The following MAP4 variants were observed in gnomAD, a reference collection of about 807,000 sequenced individuals.
The protein encoded by MAP4 is microtubule associated protein 4.
MAP4 carries 76 observed loss-of-function variants against 170.2 expected under a neutral mutation model. The observed-to-expected ratio is 0.45, with a 90% confidence interval of 0.37 to 0.54. MAP4 has a LOEUF of 0.54. Among genes scored for constraint, MAP4 ranks in the 20% least tolerant of loss-of-function variants. The pLI is 0.00. For missense variants in MAP4, 2,506 were observed against 2,748.0 expected, an observed-to-expected ratio of 0.91 and a Z score of 1.97; for synonymous variants, 909 against 994.5, an observed-to-expected ratio of 0.91 and a Z score of 1.62.
chr3:47,928,203 T>C (rs1437738418), intron 4 of MAP4, 25 bp downstream of exon 4: 25 of 1,612,472 alleles, frequency 1.6e-5, no homozygotes, highest in Non-Finnish European at 2.0e-5. Context: ...ACACATTTAG[T>C]AGTCACGAGC....
chr3:48,050,673 C>T (rs1329243529), intron 1 of MAP4, among the ~76,000 whole-genome samples: 1 of 151,442 alleles, frequency 6.6e-6, no homozygotes, highest in African/African-American at 2.4e-5. Flanking sequence ...CTTTGGGAGG[C>T]TGAGGCAGGC....
intron 18 of MAP4, among the ~76,000 whole-genome samples, chr3:47,856,865 G>A (rs1455121138): frequency 1.3e-5 from 2 of 152,218 alleles, no homozygotes; most frequent in African/African-American, 2.4e-5. Context: ...ACTAGGACAC[G>A]AGGCTGCTAG....
rs537835986 is a variant in MAP4 at position 48,055,333 on chromosome 3, G to A, written c.-20+33440C>T. ...CTCCCTGCCTGATTCTCCTGCCTCA[G>A]TCTGCCGAATGCCTGCGATTGCAGG... On this transcript the variant is annotated intron_variant, in intron 1 of 18. Transcript: ENST00000360240. Among the ~76,000 whole-genome samples the A allele has an allele frequency of 2.6e-3, 397 of 152,300 alleles. 2 individuals are homozygous for A. The highest frequency in any genetic ancestry group is 4.4e-3 in the Admixed American group (68 of 15,312).
chr3:47,880,405 G>T (rs1447350324), intron 10 of MAP4, among the ~76,000 whole-genome samples: 2 of 150,628 alleles, frequency 1.3e-5, no homozygotes, highest in Non-Finnish European at 2.9e-5. Flanking sequence ...ACCACACCTG[G>T]CTGACAATTA....
At chr3:48,079,032 A>C (rs1033196159) in intron 1 of MAP4, among the ~76,000 whole-genome samples, 1 of 152,022 alleles carries the variant, frequency 6.6e-6, no homozygotes, top group African/African-American at 2.4e-5. Flanking sequence ...TTGGCTGGGC[A>C]TGGTGGCACG....
At chr3:47,879,370 GAAC>G (rs370064129) in intron 10 of MAP4, among the ~76,000 whole-genome samples, 9 of 152,236 alleles carry the variant, frequency 5.9e-5, no homozygotes, top group Admixed American at 2.0e-4. Flanking sequence ...TAATTAAACA[GAAC>G]AACGTTTTTG....
At chr3:48,068,740 C>T (rs55896981) in intron 1 of MAP4, among the ~76,000 whole-genome samples, 177 of 152,166 alleles carry the variant, frequency 1.2e-3, no homozygotes, top group Middle Eastern at 6.8e-3. Context: ...GCCAAGATCG[C>T]ACCACTGCAC....
At chr3:47,965,550 G>A (rs186606736) in intron 3 of MAP4, among the ~76,000 whole-genome samples, 11 of 152,136 alleles carry the variant, frequency 7.2e-5, no homozygotes, top group East Asian at 5.8e-4. Flanking sequence ...CCACATCCTC[G>A]TAAACACTTG....
At chr3:47,879,227 G>A (rs550430414) in intron 10 of MAP4, among the ~76,000 whole-genome samples, 70 of 150,988 alleles carry the variant, frequency 4.6e-4, no homozygotes, top group African/African-American at 1.7e-3. Flanking sequence ...CTATGCAATG[G>A]TCTCTATTAA....
intron 1 of MAP4, among the ~76,000 whole-genome samples, chr3:48,053,501 A>C (rs2100128981): frequency 6.6e-6 from 1 of 152,206 alleles, no homozygotes. Context: ...TTTAATCAAA[A>C]TAGCATTCGT....
intron 1 of MAP4, among the ~76,000 whole-genome samples, chr3:48,086,615 G>A (rs1376161579): frequency 2.0e-5 from 3 of 152,256 alleles, no homozygotes; most frequent in South Asian, 2.1e-4. Context: ...CAGCCTGGGC[G>A]ACAGAGCAAG....
rs1477446646 is a variant in MAP4, at chr3:47,914,871, C to T, written c.1945G>A (p.Gly649Arg). ...TGACTGTTGCATGGTTTCCTTTCCC[C>T]TAGTTTTTCTAACACAGAATCCTCC... ...AEEDSVLEKL[G>R]ERKPCNSQPS... Residue 649 changes from glycine to arginine, a missense_variant, in exon 8 of 21, where the codon GGG becomes AGG. By Grantham distance (125) the Gly-to-Arg change is moderately radical. Around this residue, in one of 3 missense-constraint regions of MAP4, gnomAD observed 2,008 missense variants for 2,206.0 expected, o/e 0.91. Transcript: ENST00000683076. 1.2e-5 allele frequency: 19 copies of T among 1,613,984 alleles called. No individual in the cohort carries two copies. The highest frequency in any genetic ancestry group is 1.6e-5 in the Non-Finnish European group (19 of 1,180,014).
At chr3:47,991,668 T>TC (rs1377994803) in intron 2 of MAP4, among the ~76,000 whole-genome samples, 9 of 151,856 alleles carry the variant, frequency 5.9e-5, no homozygotes, top group Non-Finnish European at 1.3e-4. Context: ...ATCTGTCTTT[T>TC]CTTTTTTTTT....
At chr3:47,939,101 C>A (rs1171721196) in intron 3 of MAP4, among the ~76,000 whole-genome samples, 2 of 152,256 alleles carry the variant, frequency 1.3e-5, no homozygotes, top group East Asian at 3.9e-4. Flanking sequence ...ATCACTGATC[C>A]CCTGCTTGAA....
chr3:47,957,910 A>G (rs142721699), intron 3 of MAP4, among the ~76,000 whole-genome samples: 5 of 152,330 alleles, frequency 3.3e-5, no homozygotes, highest in East Asian at 3.9e-4. Context: ...ACTCACTATT[A>G]TATCTAGCAA....
At chr3:47,861,957 C>A (rs370895749) in intron 17 of MAP4, among the ~76,000 whole-genome samples, 36 of 151,810 alleles carry the variant, frequency 2.4e-4, no homozygotes, top group East Asian at 1.8e-3. Context: ...GTCAGGAGAT[C>A]GAGACCATCC....
At position 47,910,026 on chromosome 3, in the gene MAP4, C is replaced by T. The variant is rs926324291; in HGVS notation, c.4395G>A (p.Gly1465=). ...DSFPDTLAKN[G]QEIAPAQISK... Reference sequence around the variant, plus strand: ...AAATCTGGGCTGGGGCTATCTCTTGCCCATTTTTTGCCAAGGTATCTGGAA... The same window carrying T: ...AAATCTGGGCTGGGGCTATCTCTTGTCCATTTTTTGCCAAGGTATCTGGAA... Residue 1465 remains glycine, a synonymous_variant, in exon 9 of 21, where the codon GGG becomes GGA. Transcript: ENST00000683076. 5 of 1,613,952 alleles carry T rather than the reference C, an allele frequency of 3.1e-6. No homozygotes were observed. Among genetic ancestry groups the T allele is most frequent in the African/African-American group, 1.3e-5 (1 of 75,024 alleles).
upstream of MAP4, among the ~76,000 whole-genome samples, chr3:48,018,918 C>A (rs1341912825): frequency 2.0e-5 from 3 of 152,184 alleles, no homozygotes; most frequent in Non-Finnish European, 4.4e-5. Context: ...TAAGGAGTAA[C>A]CGTACGAACC....
At chr3:47,891,875 ATC>A in intron 10 of MAP4, 1 of 1,536,050 alleles carries the variant, frequency 6.5e-7, no homozygotes, top group African/African-American at 1.4e-5. Context: ...GCTATTCTCC[ATC>A]TCTCCCGGAG....
Sources: gnomAD v4.1 joint callset for allele counts (sites outside exome capture counted in the v4.1 genomes callset) on GRCh38, gnomAD v4.1.1 for gene constraint, gnomAD v4.1.1 regional missense constraint, MANE v1.5 for transcripts, NCBI Gene and HGNC (gene_info 2026-07-23, HGNC 2026-07-21) for gene names.